FAF1: variants seen among roughly 807,000 people sequenced by gnomAD.
FAF1 encodes the protein FAS-associated factor 1.
FAF1 carries 25 observed loss-of-function variants against 92.5 expected under a neutral mutation model. The ratio of observed to expected loss-of-function variants is 0.27; its 90% CI spans 0.20 to 0.38. The LOEUF is 0.38. Among genes scored for constraint, FAF1 ranks in the 10% least tolerant of loss-of-function variants. The probability of loss-of-function intolerance (pLI) is 1.00; values close to 1 mark genes in which losing one functional copy is unlikely to be tolerated. For synonymous variants in FAF1, 234 were observed against 273.2 expected (o/e 0.86, Z 1.42); for missense variants, 636 against 793.3 (o/e 0.80, Z 2.38).
intron 15 of FAF1, among the ~76,000 whole-genome samples, chr1:50,508,062 CTT>C (rs747231309): frequency 3.5e-4 from 53 of 152,266 alleles, no homozygotes; most frequent in Non-Finnish European, 7.1e-4. Context: ...ACCAGGATGA[CTT>C]TTGTTTTTTA....
chr1:50,448,010 G>A (rs192333361), intron 18 of FAF1, among the ~76,000 whole-genome samples: 60 of 152,312 alleles, frequency 3.9e-4, no homozygotes, highest in Admixed American at 2.6e-3. Context: ...GTGTGAGGGC[G>A]AGTCAGTGGA....
intron 6 of FAF1, among the ~76,000 whole-genome samples, chr1:50,731,861 G>A (rs1226848640): frequency 6.6e-6 from 1 of 151,884 alleles, no homozygotes; most frequent in Non-Finnish European, 1.5e-5. Flanking sequence ...AAATGCATGG[G>A]GGATTTGGGA....
chr1:50,466,265 A>G (rs1369911302), intron 18 of FAF1, among the ~76,000 whole-genome samples: 3 of 152,198 alleles, frequency 2.0e-5, no homozygotes, highest in African/African-American at 7.2e-5. Context: ...GGAGTCAAGG[A>G]TAACAGTAAG....
Position 50,705,802 on chromosome 1 carries a change from C to T in FAF1, c.641G>A (p.Ser214Asn), listed in dbSNP as rs1360980873. 3.1e-6 allele frequency: 5 copies of T among 1,602,028 alleles called. No homozygotes were observed. The highest frequency in any genetic ancestry group is 4.3e-6 in the Non-Finnish European group (5 of 1,169,866). ...QREYNLNFSG[S>N]STIQEVKRNV... ...ATAACTCACCTCTTGAATAGTACTGCTTCCTGAGAAGTTCAGGTTGTACTC... is the reference window on the plus strand; with the variant it reads ...ATAACTCACCTCTTGAATAGTACTGTTTCCTGAGAAGTTCAGGTTGTACTC... The change falls in exon 7 of 19, where the codon AGC (serine) becomes AAC (asparagine). Residue 214 changes from serine (S) to asparagine (N), a missense_variant. Coordinates refer to ENST00000396153, the MANE Select transcript of FAF1 (RefSeq NM_007051.3).
intron 12 of FAF1, among the ~76,000 whole-genome samples, chr1:50,572,342 AATC>A (rs1271482829): frequency 4.6e-5 from 7 of 152,196 alleles, no homozygotes; most frequent in East Asian, 1.9e-4. Context: ...TCCCTTACAT[AATC>A]ATCATATTTA....
intron 8 of FAF1, 136 bp from the exon 9 acceptor site, chr1:50,596,352 C>T: frequency 1.6e-6 from 1 of 625,424 alleles, no homozygotes; most frequent in Non-Finnish European, 2.7e-6. Flanking sequence ...TATTACATTA[C>T]CAGGAAGGCT....
intron 15 of FAF1, among the ~76,000 whole-genome samples, chr1:50,534,304 A>G (rs934852670): frequency 6.6e-6 from 1 of 151,976 alleles, no homozygotes; most frequent in Non-Finnish European, 1.5e-5. Flanking sequence ...TTTTTGAGAC[A>G]TATTCTCACT....
intron 13 of FAF1, among the ~76,000 whole-genome samples, chr1:50,554,390 T>TATATATATATATAGAGAGAGAGAG: frequency 2.5e-4 from 23 of 93,676 alleles, no homozygotes; most frequent in East Asian, 6.3e-4. Context: ...TATATATATA[T>TATATATATATATAGAGAGAGAGAG]AGAGAGAGAG....
At chr1:50,760,419 T>C (rs886558118) in intron 4 of FAF1, among the ~76,000 whole-genome samples, 2 of 152,116 alleles carry the variant, frequency 1.3e-5, no homozygotes, top group African/African-American at 2.4e-5. Context: ...TATTCCAAAA[T>C]TGACCACATA....
intron 18 of FAF1, among the ~76,000 whole-genome samples, chr1:50,453,283 G>A (rs1043677870): frequency 6.6e-6 from 1 of 152,220 alleles, no homozygotes; most frequent in African/African-American, 2.4e-5. Context: ...GGGCTAGGGA[G>A]AAAGTGAGCA....
intron 4 of FAF1, among the ~76,000 whole-genome samples, chr1:50,746,117 G>C (rs1659575155): frequency 1.3e-5 from 2 of 151,292 alleles, no homozygotes; most frequent in Non-Finnish European, 2.9e-5. Flanking sequence ...GTGGAACTTT[G>C]AAGTTGAGAA....
chr1:50,493,189 C>A (rs905513959), intron 15 of FAF1, among the ~76,000 whole-genome samples: 2 of 151,930 alleles, frequency 1.3e-5, no homozygotes, highest in Non-Finnish European at 2.9e-5. Flanking sequence ...CCCGACATCA[C>A]GCCCAGCTAA....
intron 4 of FAF1, among the ~76,000 whole-genome samples, chr1:50,752,449 T>A (rs977689276): frequency 2.0e-5 from 3 of 152,226 alleles, no homozygotes; most frequent in Admixed American, 6.5e-5. Context: ...TTATAGTCCA[T>A]GTAATGTACG....
chr1:50,731,766 T>C (rs1175769056), intron 6 of FAF1, among the ~76,000 whole-genome samples: 1 of 152,198 alleles, frequency 6.6e-6, no homozygotes. Flanking sequence ...ATCTCATTTA[T>C]GTTCACTTCT....
At position 50,920,292 on chromosome 1, in the gene FAF1, ACT is replaced by A. The variant is rs558608570; in HGVS notation, c.45+39473_45+39474del. On this transcript the variant is annotated intron_variant, in intron 1 of 18. Coordinates refer to ENST00000396153, the MANE Select transcript of FAF1 (RefSeq NM_007051.3). ...ACTCCAGCCTGGGTGAAAGAGCAAGACTCTGTCTCAAAAAAAAAAAAAAAAGT... is the reference window on the plus strand; with the variant it reads ...ACTCCAGCCTGGGTGAAAGAGCAAGACTGTCTCAAAAAAAAAAAAAAAAGT... 1.9e-4 allele frequency among the ~76,000 whole-genome samples: 29 copies of A among 149,036 alleles called. No homozygotes were observed. In the South Asian group the frequency reaches 4.7e-3, roughly 24 times the overall value.
chr1:50,475,922 T>C (rs1646634759), intron 17 of FAF1, among the ~76,000 whole-genome samples: 1 of 152,138 alleles, frequency 6.6e-6, no homozygotes, highest in Admixed American at 6.6e-5. Context: ...ATTAAATATA[T>C]AGGAAACTAC....
chr1:50,927,453 G>A (rs1443949982), intron 1 of FAF1, among the ~76,000 whole-genome samples: 2 of 152,096 alleles, frequency 1.3e-5, no homozygotes, highest in African/African-American at 2.4e-5. Flanking sequence ...ATGGTGGCAT[G>A]TGCCTGTAGT....
At chr1:50,601,796 A>G (rs1430111251) in intron 8 of FAF1, among the ~76,000 whole-genome samples, 1 of 151,838 alleles carries the variant, frequency 6.6e-6, no homozygotes, top group African/African-American at 2.4e-5. Context: ...ATATATACAT[A>G]TATTCATATA....
chr1:50,866,378 C>T (rs1342433970), intron 1 of FAF1, among the ~76,000 whole-genome samples: 9 of 151,910 alleles, frequency 5.9e-5, no homozygotes, highest in African/African-American at 1.9e-4. Flanking sequence ...CACATCCAAA[C>T]CAGTAAAGAG....
Sources: gnomAD v4.1 joint callset for allele counts (sites outside exome capture counted in the v4.1 genomes callset) on GRCh38, gnomAD v4.1.1 for gene constraint, MANE v1.5 for transcripts, NCBI Gene and HGNC (gene_info 2026-07-23, HGNC 2026-07-21) for gene names.